LRP5: variants seen among roughly 807,000 people sequenced by gnomAD.
The protein encoded by LRP5 is low-density lipoprotein receptor-related protein 5.
Under a neutral mutation model 154.1 loss-of-function variants are expected in LRP5, and 62 were observed. The ratio of observed to expected loss-of-function variants is 0.40; its 90% CI spans 0.33 to 0.50. LRP5 has a LOEUF of 0.50. Among genes scored for constraint, LRP5 ranks in the 20% least tolerant of loss-of-function variants. LRP5 has a pLI of 0.55. For synonymous variants in LRP5, 966 were observed against 1,011.5 expected (o/e 0.96, Z 0.85); for missense variants, 1,915 against 2,336.7 (o/e 0.82, Z 3.72).
intron 1 of LRP5, among the ~76,000 whole-genome samples, chr11:68,322,436 C>G (rs1243200230): frequency 6.6e-6 from 1 of 152,252 alleles, no homozygotes; most frequent in Non-Finnish European, 1.5e-5. Context: ...TTCATCACAT[C>G]CTTCCCTTTC....
At chr11:68,332,649 T>C (rs1021480244) in intron 1 of LRP5, among the ~76,000 whole-genome samples, 5 of 152,134 alleles carry the variant, frequency 3.3e-5, no homozygotes, top group Admixed American at 6.5e-5. Context: ...GCTGGAGGCA[T>C]GGAGGTGGTC....
chr11:68,312,667 A>G lies in LRP5; in HGVS notation c.-48A>G, dbSNP rs1255208804. 2.3e-6 allele frequency: 2 copies of G among 869,750 alleles called. No homozygotes were observed. Among genetic ancestry groups the G allele is most frequent in the Middle Eastern group, 5.7e-4 (1 of 1,744 alleles). The allele number at this position is 869,750 out of a possible 1,614,324, so 53.9% of individuals were successfully genotyped here. A position where few individuals can be genotyped will look rare whatever the true frequency, so the allele number is the denominator to read the frequency against. Reference sequence around the variant, plus strand: ...CGCGAGGAGCCGCCGCCGCCGCGCCATGGAGCCCGAGTGAGCGCGGCGCGG... The same window carrying G: ...CGCGAGGAGCCGCCGCCGCCGCGCCGTGGAGCCCGAGTGAGCGCGGCGCGG... On this transcript the variant is annotated 5_prime_UTR_variant, in exon 1 of 23. It removes an upstream start codon present in the reference 5' UTR. Coordinates refer to ENST00000294304, the MANE Select transcript of LRP5 (RefSeq NM_002335.4).
chr11:68,441,057 C>T (rs7121045), intron 21 of LRP5, among the ~76,000 whole-genome samples: 3,399 of 152,018 alleles, frequency 0.022, 132 homozygotes, highest in African/African-American at 0.078. Flanking sequence ...CGTGAGCCAC[C>T]GCACCTGGCC....
rs549579496 is a variant in LRP5 at position 68,357,736 on chromosome 11, C to G, written c.575C>G (p.Ser192Trp). ...AGCACCCGGAAGATCATTGTGGACT[C>G]GGACATTTACTGGCCCAATGGACTG... The part of the protein sequence containing the change: ...DGSTRKIIVD[S>W]DIYWPNGLTI... The change falls in exon 3 of 23, where the codon TCG becomes TGG. Residue 192 changes from serine (S) to tryptophan (W), a missense_variant. Ser to Trp is a radical substitution (Grantham distance 177). This residue lies in a region of LRP5 where 773 missense variants were observed against 1,100.9 expected (regional missense o/e 0.70). Transcript: ENST00000294304. 9 of 1,614,016 alleles carry G rather than the reference C, an allele frequency of 5.6e-6. No homozygotes were observed. The highest frequency in any genetic ancestry group is 3.3e-5 in the South Asian group (3 of 91,062).
At chr11:68,435,291 G>C (rs1028031120) in intron 18 of LRP5, among the ~76,000 whole-genome samples, 2 of 152,188 alleles carry the variant, frequency 1.3e-5, no homozygotes, top group African/African-American at 4.8e-5. Flanking sequence ...GGTCCATTTT[G>C]CATTGCTATG....
In LRP5 at chr11:68,407,140, T is replaced by A. The variant is rs556960251; in HGVS notation, c.2091+327T>A. On this transcript the variant is annotated intron_variant, in intron 9 of 22. Coordinates refer to ENST00000294304, the MANE Select transcript of LRP5 (RefSeq NM_002335.4). ...ACTCTTTCTTCATTTATAGTGCAAATGTAAACATCCAGGACAAATACAGGA... is the reference window on the plus strand; with the variant it reads ...ACTCTTTCTTCATTTATAGTGCAAAAGTAAACATCCAGGACAAATACAGGA... 2.6e-5 allele frequency among the ~76,000 whole-genome samples: 4 copies of A among 151,914 alleles called. No homozygotes were observed. In the East Asian group the frequency reaches 7.8e-4, roughly 29 times the overall value.
At chr11:68,436,844 G>A in intron 18 of LRP5, 45 bp from the exon 19 acceptor site, 1 of 1,452,612 alleles carries the variant, frequency 6.9e-7, no homozygotes, top group Non-Finnish European at 9.7e-7. Context: ...TGGTGGGCTG[G>A]GGGGCACCCT....
chr11:68,402,289 C>T (rs903026343), intron 7 of LRP5, among the ~76,000 whole-genome samples: 4 of 152,210 alleles, frequency 2.6e-5, no homozygotes, highest in Admixed American at 6.5e-5. Flanking sequence ...CGTCCTATCT[C>T]ACGCGGCTGT....
intron 13 of LRP5, among the ~76,000 whole-genome samples, chr11:68,419,788 C>T (rs148690762): frequency 0.055 from 8,397 of 151,960 alleles, 609 homozygotes; most frequent in African/African-American, 0.16. Context: ...GTGATCCGCC[C>T]GCCTCGGCCT....
chr11:68,354,664 G>C (rs898161245), intron 2 of LRP5, among the ~76,000 whole-genome samples: 1 of 152,244 alleles, frequency 6.6e-6, no homozygotes, highest in Non-Finnish European at 1.5e-5. Context: ...CCCGGGCTTT[G>C]CTGGCGAAGG....
chr11:68,347,851 G>A lies in LRP5; in HGVS notation c.96G>A (p.Ser32=), dbSNP rs202039395. ...LCGCPAPAAA[S]PLLLFANRRD... is the part of the protein sequence containing the mutation. ...CGGTTTGCTTCTGCCCCACAGCCTC[G>A]CCGCTCCTGCTATTTGCCAACCGCC... Residue 32 remains serine, a synonymous_variant, in exon 2 of 23, where the codon TCG becomes TCA. Coordinates refer to ENST00000294304, the MANE Select transcript of LRP5 (RefSeq NM_002335.4). The A allele has an allele frequency of 2.9e-4, 463 of 1,613,168 alleles. 8 individuals are homozygous for A. In the South Asian group the frequency reaches 4.8e-3, roughly 17 times the overall value.
In LRP5 at chr11:68,439,970, C is replaced by A. The variant is rs2291466; in HGVS notation, c.4488+54C>A. On this transcript the variant is annotated intron_variant, in intron 21 of 22. Transcript: ENST00000294304. ...GCGGGATGGGGCTGTGGGCCCCTCC[C>A]ACCGTCAGTGCTGGCCACCGGAGGC... 103,197 of 1,438,672 alleles carry A rather than the reference C, an allele frequency of 0.072. 4,611 individuals carry two copies. Among genetic ancestry groups the A allele is most frequent in the Middle Eastern group, 0.12 (478 of 4,014 alleles). 89.1% of individuals were successfully genotyped at this position (1,438,672 alleles called of 1,614,324 possible). A position where few individuals can be genotyped will look rare whatever the true frequency, so the allele number is the denominator to read the frequency against.
intron 2 of LRP5, among the ~76,000 whole-genome samples, chr11:68,349,984 T>C (rs1295972236): frequency 6.6e-6 from 1 of 152,148 alleles, no homozygotes; most frequent in Non-Finnish European, 1.5e-5. Context: ...ACCCCCAGGC[T>C]CAGTTGGAAG....
chr11:68,367,141 T>G (rs2098631562), intron 5 of LRP5, among the ~76,000 whole-genome samples: 1 of 152,162 alleles, frequency 6.6e-6, no homozygotes, highest in African/African-American at 2.4e-5. Flanking sequence ...AAAGGCAATG[T>G]TGAGAGAGAA....
chr11:68,375,947 G>T (rs537608780), intron 5 of LRP5, among the ~76,000 whole-genome samples: 4 of 152,222 alleles, frequency 2.6e-5, no homozygotes, highest in Non-Finnish European at 5.9e-5. Context: ...CTTGTGATAG[G>T]TGGGGCCGCG....
At chr11:68,375,413 C>T (rs1235118517) in intron 5 of LRP5, among the ~76,000 whole-genome samples, 1 of 152,218 alleles carries the variant, frequency 6.6e-6, no homozygotes, top group Admixed American at 6.5e-5. Flanking sequence ...CGATTTGTTT[C>T]TCCCTGTGCA....
chr11:68,400,462 G>A (rs1258158215), intron 7 of LRP5, among the ~76,000 whole-genome samples: 3 of 152,148 alleles, frequency 2.0e-5, no homozygotes, highest in Non-Finnish European at 4.4e-5. Flanking sequence ...GCTCACGCCT[G>A]TAAATCCCAG....
Position 68,410,103 on chromosome 11 carries a change from G to A in LRP5, c.2281G>A (p.Asp761Asn). 1 of 1,613,952 alleles carries A rather than the reference G, an allele frequency of 6.2e-7. No individual in the cohort carries two copies. Among genetic ancestry groups the A allele is most frequent in the South Asian group, 1.1e-5 (1 of 91,078 alleles). ...FRQVLVWRDL[D>N]NPRSLALDPT... is the part of the protein sequence containing the mutation. ...GCAAGTCCTCGTGTGGAGGGACTTG[G>A]ACAACCCGAGGTCGCTGGCCCTGGA... Residue 761 changes from aspartate (D) to asparagine (N), a missense_variant, in exon 10 of 23, where the codon GAC (aspartate) becomes AAC (asparagine). This residue lies in a region of LRP5 where 773 missense variants were observed against 1,100.9 expected (regional missense o/e 0.70). Transcript: ENST00000294304.
chr11:68,447,658 C>G lies in LRP5; in HGVS notation c.4586+1125C>G, dbSNP rs1453713654. On this transcript the variant is annotated intron_variant, in intron 22 of 22. Coordinates refer to ENST00000294304, the MANE Select transcript of LRP5 (RefSeq NM_002335.4). The surrounding 1 kb of genome is among the most constrained non-coding windows in gnomAD (Gnocchi z 4.3). Reference sequence around the variant, plus strand: ...CTGGGCCCACCGCGGACACATCTTCCCCCCGCCCGCCGTCTGACCTCACAG... The same window carrying G: ...CTGGGCCCACCGCGGACACATCTTCGCCCCGCCCGCCGTCTGACCTCACAG... 6.6e-6 allele frequency among the ~76,000 whole-genome samples: 1 copy of G among 152,184 alleles called. No individual in the cohort carries two copies. The highest frequency in any genetic ancestry group is 1.5e-5 in the Non-Finnish European group (1 of 68,032).
Sources: allele counts gnomAD v4.1 joint callset (sites outside exome capture counted in the v4.1 genomes callset), GRCh38; gene constraint gnomAD v4.1.1; regional missense constraint gnomAD v4.1.1; non-coding constraint Gnocchi (gnomAD v3.1); transcripts MANE v1.5; gene names NCBI Gene and HGNC (gene_info 2026-07-23, HGNC 2026-07-21).